Variants in ROBO1 observed in about 807,000 individuals in gnomAD.
ROBO1 encodes roundabout homolog 1.
Under a neutral mutation model 195.9 loss-of-function variants are expected in ROBO1, and 149 were observed. The observed-to-expected ratio is 0.76, with a 90% CI of 0.67 to 0.87. ROBO1 has a LOEUF of 0.87. ROBO1 is among the 40% of genes least tolerant of loss of function. ROBO1 has a pLI of 0.00. For synonymous variants in ROBO1, 816 were observed against 733.2 expected, an observed-to-expected ratio of 1.11 and a Z score of -1.82; for missense variants, 1,933 against 2,068.3, an observed-to-expected ratio of 0.93 and a Z score of 1.27.
At chr3:79,253,913 CAT>C (rs1407560955) in intron 2 of ROBO1, among the ~76,000 whole-genome samples, 3 of 152,160 alleles carry the variant, frequency 2.0e-5, no homozygotes, top group Admixed American at 6.6e-5. Context: ...AGTTCTGCCA[CAT>C]GTCTCATTAT....
intron 10 of ROBO1, among the ~76,000 whole-genome samples, chr3:78,679,295 T>C (rs576024136): frequency 6.6e-6 from 1 of 152,214 alleles, no homozygotes; most frequent in East Asian, 1.9e-4. Flanking sequence ...TCACCACTCC[T>C]ATTCAACCTA....
intron 3 of ROBO1, among the ~76,000 whole-genome samples, chr3:79,070,169 G>C (rs908208817): frequency 2.0e-5 from 3 of 151,706 alleles, no homozygotes; most frequent in African/African-American, 7.3e-5. Context: ...GTCTTAACTC[G>C]ATCATCACTC....
At chr3:78,983,357 C>T (rs2077039369) in intron 3 of ROBO1, among the ~76,000 whole-genome samples, 1 of 152,204 alleles carries the variant, frequency 6.6e-6, no homozygotes, top group Admixed American at 6.5e-5. Flanking sequence ...AAAGGGAACA[C>T]AAAAACAATT....
chr3:79,653,802 G>A (rs1423050442), intron 1 of ROBO1, among the ~76,000 whole-genome samples: 3 of 151,906 alleles, frequency 2.0e-5, no homozygotes, highest in Non-Finnish European at 4.4e-5. Context: ...CAAATGAAAT[G>A]AATCTCTAGT....
chr3:78,745,304 T>C (rs148840081), intron 5 of ROBO1, among the ~76,000 whole-genome samples: 10,225 of 140,352 alleles, frequency 0.073, 745 homozygotes, highest in African/African-American at 0.21. Context: ...AAGACTCCAT[T>C]TCAAAAAAAA....
At chr3:78,624,313 A>C (rs1297915654) in intron 26 of ROBO1, among the ~76,000 whole-genome samples, 2 of 152,176 alleles carry the variant, frequency 1.3e-5, no homozygotes, top group Non-Finnish European at 2.9e-5. Flanking sequence ...TATAGTAAAC[A>C]TATAGAATAT....
At chr3:78,659,938 T>G (rs1327286361) in intron 16 of ROBO1, 131 bp from the exon 17 acceptor site, 14 of 472,680 alleles carry the variant, frequency 3.0e-5, no homozygotes, top group Non-Finnish European at 4.5e-5. Flanking sequence ...TTTTTTTTTT[T>G]GAGACGGAGG....
At chr3:79,719,752 T>C (rs757472978) in intron 1 of ROBO1, among the ~76,000 whole-genome samples, 15 of 152,346 alleles carry the variant, frequency 9.8e-5, no homozygotes, top group Non-Finnish European at 1.9e-4. Flanking sequence ...CTAAATGTCT[T>C]ACACAAATTA....
chr3:79,153,997 G>A (rs1008850032), intron 2 of ROBO1, among the ~76,000 whole-genome samples: 3 of 151,194 alleles, frequency 2.0e-5, no homozygotes, highest in Non-Finnish European at 1.5e-5. Flanking sequence ...TAGTAGCACC[G>A]ACTAGTCATT....
intron 2 of ROBO1, among the ~76,000 whole-genome samples, chr3:79,514,515 T>A (rs1940858786): frequency 6.6e-6 from 1 of 152,168 alleles, no homozygotes; most frequent in African/African-American, 2.4e-5. Context: ...AGTCTCTGGT[T>A]CTCTGGGGTC....
At chr3:78,710,161 G>A (rs990348587) in intron 8 of ROBO1, among the ~76,000 whole-genome samples, 5 of 152,020 alleles carry the variant, frequency 3.3e-5, no homozygotes, top group Non-Finnish European at 5.9e-5. Flanking sequence ...CTTCCCACTC[G>A]TGGACTCAAG....
intron 22 of ROBO1, 47 bp downstream of exon 22, chr3:78,639,697 G>C (rs746106943): frequency 7.2e-6 from 11 of 1,533,182 alleles, no homozygotes; most frequent in Middle Eastern, 1.8e-4. Context: ...CTTCTGGCTA[G>C]TTCCTTAAAA....
intron 3 of ROBO1, among the ~76,000 whole-genome samples, chr3:79,103,693 C>T (rs1397031113): frequency 6.6e-6 from 1 of 151,570 alleles, no homozygotes; most frequent in Non-Finnish European, 1.5e-5. Context: ...GTCTCTTTAA[C>T]AACACTTTGA....
chr3:79,322,236 A>G (rs1576973081), intron 2 of ROBO1, among the ~76,000 whole-genome samples: 1 of 152,212 alleles, frequency 6.6e-6, no homozygotes, highest in East Asian at 1.9e-4. Flanking sequence ...TAGTATATAC[A>G]CAGTCTTCTT....
At chr3:79,046,530 T>A (rs534498329) in intron 3 of ROBO1, among the ~76,000 whole-genome samples, 1 of 152,226 alleles carries the variant, frequency 6.6e-6, no homozygotes, top group East Asian at 1.9e-4. Flanking sequence ...CAATAGGCTG[T>A]CTGCAAGCTG....
At chr3:78,959,673 A>T (rs1340840541) in intron 3 of ROBO1, among the ~76,000 whole-genome samples, 2 of 152,238 alleles carry the variant, frequency 1.3e-5, no homozygotes, top group African/African-American at 4.8e-5. Context: ...ATACAGAGCT[A>T]TACCATAGAT....
chr3:79,056,548 T>C (rs1165434682), intron 3 of ROBO1, among the ~76,000 whole-genome samples: 1 of 152,122 alleles, frequency 6.6e-6, no homozygotes, highest in African/African-American at 2.4e-5. Flanking sequence ...TTGAAAACTT[T>C]AAAGGACTTC....
intron 2 of ROBO1, among the ~76,000 whole-genome samples, chr3:79,443,105 T>C (rs2039116455): frequency 6.6e-6 from 1 of 152,188 alleles, no homozygotes; most frequent in African/African-American, 2.4e-5. Flanking sequence ...CACATATGTA[T>C]ATTTTTTAAA....
At chr3:79,101,070 C>A (rs746957235) in intron 3 of ROBO1, among the ~76,000 whole-genome samples, 5 of 151,644 alleles carry the variant, frequency 3.3e-5, no homozygotes, top group Admixed American at 1.3e-4. Flanking sequence ...GTGTATTATG[C>A]AGATAGAGTA....
Sources: gnomAD v4.1 joint callset for allele counts (sites outside exome capture counted in the v4.1 genomes callset) on GRCh38, gnomAD v4.1.1 for gene constraint, MANE v1.5 for transcripts, NCBI Gene and HGNC (gene_info 2026-07-23, HGNC 2026-07-21) for gene names.